Variants in CEP63 observed in about 807,000 individuals in gnomAD.
CEP63 encodes centrosomal protein of 63 kDa.
Under a neutral mutation model 89.1 loss-of-function variants are expected in CEP63, and 84 were observed. The ratio of observed to expected loss-of-function variants is 0.94; its 90% CI spans 0.79 to 1.13. The LOEUF is 1.13. Ranked by LOEUF, CEP63 falls within the 50% of genes most tolerant of loss-of-function variation. The pLI, the probability that CEP63 is intolerant of heterozygous loss-of-function variation, is 0.00. For synonymous variants in CEP63, 267 were observed against 272.5 expected, an observed-to-expected ratio of 0.98 and a Z score of 0.20; for missense variants, 838 against 813.3, an observed-to-expected ratio of 1.03 and a Z score of -0.37.
the CEP63 span, among the ~76,000 whole-genome samples, chr3:134,730,687 G>A: frequency 4.0e-5 from 6 of 151,528 alleles, no homozygotes; most frequent in East Asian, 1.2e-3. Context: ...TTAAAAAAAT[G>A]AAAATAGTAA....
downstream of CEP63, among the ~76,000 whole-genome samples, chr3:134,569,109 T>C (rs900150425): frequency 2.6e-5 from 4 of 152,138 alleles, no homozygotes; most frequent in Non-Finnish European, 5.9e-5. Context: ...TCAACCACCT[T>C]CCACCAGATT....
the CEP63 span, among the ~76,000 whole-genome samples, chr3:134,694,636 C>A: frequency 6.6e-6 from 1 of 152,188 alleles, no homozygotes; most frequent in South Asian, 2.1e-4. Flanking sequence ...AAGCCAGATG[C>A]CAGGGGCTGC....
At chr3:134,768,539 C>A in the CEP63 span, among the ~76,000 whole-genome samples, 1 of 152,148 alleles carries the variant, frequency 6.6e-6, no homozygotes, top group African/African-American at 2.4e-5. Flanking sequence ...ATTGGCATAC[C>A]TTCTCAAGTC....
In CEP63 at chr3:134,539,468, A is replaced by G. The variant is rs554167382; in HGVS notation, c.555+2200A>G. Among the ~76,000 whole-genome samples the G allele has an allele frequency of 8.5e-5, 13 of 152,320 alleles. No homozygotes were observed. In the South Asian group the frequency reaches 2.3e-3, roughly 27 times the overall value. ...GTAAGGACTTAAAAAATAACAATAT[A>G]TCAGTATCACATTAATAGAATAATA... On this transcript the variant is annotated intron_variant, in intron 6 of 14. Coordinates refer to ENST00000675561, the MANE Select transcript of CEP63 (RefSeq NM_001353108.3).
the CEP63 span, among the ~76,000 whole-genome samples, chr3:134,593,221 A>T: frequency 6.6e-6 from 1 of 152,128 alleles, no homozygotes; most frequent in Non-Finnish European, 1.5e-5. Context: ...AGACTTTTGG[A>T]TTCCTTAGGG....
intron 1 of CEP63, among the ~76,000 whole-genome samples, chr3:134,493,248 GA>G (rs1018535936): frequency 1.3e-5 from 2 of 152,142 alleles, no homozygotes; most frequent in Admixed American, 1.3e-4. Context: ...AAAGCTGGAA[GA>G]AACCTTAGAG....
intron 2 of CEP63, among the ~76,000 whole-genome samples, chr3:134,495,880 T>C (rs1311003132): frequency 1.3e-5 from 2 of 152,256 alleles, no homozygotes; most frequent in Non-Finnish European, 2.9e-5. Flanking sequence ...GTTTTATCCA[T>C]GTTGCTGCAA....
At chr3:134,767,501 C>T in the CEP63 span, among the ~76,000 whole-genome samples, 1 of 152,186 alleles carries the variant, frequency 6.6e-6, no homozygotes, top group Non-Finnish European at 1.5e-5. Context: ...GGGCATGTGA[C>T]CTGGAAAGTC....
the CEP63 span, among the ~76,000 whole-genome samples, chr3:134,647,962 T>G: frequency 6.6e-6 from 1 of 152,216 alleles, no homozygotes; most frequent in Non-Finnish European, 1.5e-5. Context: ...TTGGCCTCCC[T>G]TGCAGCTAGA....
At chr3:134,746,970 C>T in the CEP63 span, among the ~76,000 whole-genome samples, 2 of 151,926 alleles carry the variant, frequency 1.3e-5, no homozygotes, top group African/African-American at 4.8e-5. Context: ...GTTGTCATTG[C>T]TTTTTTTTAG....
At chr3:134,703,612 C>T in the CEP63 span, among the ~76,000 whole-genome samples, 4 of 151,708 alleles carry the variant, frequency 2.6e-5, no homozygotes, top group African/African-American at 7.3e-5. Flanking sequence ...GAACAGTACA[C>T]ACGGGGGCCT....
the CEP63 span, among the ~76,000 whole-genome samples, chr3:134,763,484 A>G: frequency 6.6e-6 from 1 of 152,178 alleles, no homozygotes; most frequent in Admixed American, 6.5e-5. Context: ...AGATCAGTAC[A>G]TCTCACATTT....
chr3:134,489,523 C>G (rs1936911861), intron 1 of CEP63, among the ~76,000 whole-genome samples: 1 of 152,014 alleles, frequency 6.6e-6, no homozygotes, highest in Non-Finnish European at 1.5e-5. Flanking sequence ...CTCCATCCAC[C>G]CATAGTGAAA....
chr3:134,489,483 A>C (rs2107837772), intron 1 of CEP63, among the ~76,000 whole-genome samples: 1 of 152,276 alleles, frequency 6.6e-6, no homozygotes, highest in South Asian at 2.1e-4. Context: ...TGTTAACATT[A>C]AACATTATAT....
the CEP63 span, among the ~76,000 whole-genome samples, chr3:134,709,902 C>T: frequency 6.6e-6 from 1 of 152,208 alleles, no homozygotes; most frequent in East Asian, 1.9e-4. Flanking sequence ...AATGAACAAT[C>T]TGTGATTATT....
chr3:134,619,253 G>A, the CEP63 span: 1 of 1,613,722 alleles, frequency 6.2e-7, no homozygotes, highest in Non-Finnish European at 8.5e-7. Context: ...CTGAGCAGCT[G>A]CAATGTCATA....
chr3:134,597,176 A>C, the CEP63 span, among the ~76,000 whole-genome samples: 1 of 152,146 alleles, frequency 6.6e-6, no homozygotes, highest in African/African-American at 2.4e-5. Context: ...AGAGTGCAGC[A>C]TGGAGCGATC....
the CEP63 span, among the ~76,000 whole-genome samples, chr3:134,609,277 C>T: frequency 2.0e-5 from 3 of 152,168 alleles, no homozygotes; most frequent in Admixed American, 6.5e-5. Context: ...TTGTGGCTCT[C>T]CAGGGCCGAC....
At chr3:134,505,776 G>C (rs1024114085) in intron 2 of CEP63, among the ~76,000 whole-genome samples, 4 of 152,196 alleles carry the variant, frequency 2.6e-5, no homozygotes, top group Non-Finnish European at 4.4e-5. Context: ...TGGTAGTAGT[G>C]ATGGGCACAG....
Sources: gnomAD v4.1 joint callset for allele counts (sites outside exome capture counted in the v4.1 genomes callset) on GRCh38, gnomAD v4.1.1 for gene constraint, MANE v1.5 for transcripts, NCBI Gene and HGNC (gene_info 2026-07-23, HGNC 2026-07-21) for gene names.